Variants in PGD observed in about 807,000 individuals in gnomAD.
The protein encoded by PGD is phosphogluconate dehydrogenase.
PGD carries 21 observed loss-of-function variants against 60.4 expected under a neutral mutation model. The ratio of observed to expected loss-of-function variants is 0.35; its 90% CI spans 0.25 to 0.50. The LOEUF (loss-of-function observed/expected upper bound fraction) is 0.50. Among genes scored for constraint, PGD ranks in the 20% least tolerant of loss-of-function variants. The probability of loss-of-function intolerance (pLI) is 0.98; values close to 1 mark genes in which losing one functional copy is unlikely to be tolerated. For synonymous variants in PGD, 230 were observed against 235.9 expected, an observed-to-expected ratio of 0.97 and a Z score of 0.23; for missense variants, 477 against 613.1, an observed-to-expected ratio of 0.78 and a Z score of 2.34.
At position 10,413,142 on chromosome 1, in the gene PGD, C is replaced by G. The variant is rs79502417; in HGVS notation, c.735C>G (p.Thr245=). The G allele has an allele frequency of 1.2e-6, 2 of 1,613,938 alleles. No homozygotes were observed. Among genetic ancestry groups the G allele is most frequent in the Non-Finnish European group, 1.7e-6 (2 of 1,179,958 alleles). Residue 245 remains threonine (T), a synonymous_variant, in exon 8 of 13, where the codon ACC becomes ACG. Transcript: ENST00000270776. The stretch of plus-strand genomic sequence containing the variant: ...CCAATATTCTCAAGTTCCAAGACAC[C>G]GATGGCAAACACCTGCTGCCAAAGA... ...ITANILKFQD[T]DGKHLLPKIR...
intron 5 of PGD, among the ~76,000 whole-genome samples, chr1:10,404,719 C>T (rs982601229): frequency 6.6e-6 from 1 of 152,092 alleles, no homozygotes; most frequent in Admixed American, 6.6e-5. Context: ...TGGGTGGTCT[C>T]GAACTCCTGA....
intron 1 of PGD, 71 bp downstream of exon 1, chr1:10,399,196 C>G: frequency 6.4e-7 from 1 of 1,557,170 alleles, no homozygotes; most frequent in Admixed American, 1.7e-5. Flanking sequence ...TCGAGATCTC[C>G]CTCGTTCTCT....
At chr1:10,417,856 C>T (rs1639623273) in intron 10 of PGD, among the ~76,000 whole-genome samples, 1 of 152,190 alleles carries the variant, frequency 6.6e-6, no homozygotes, top group Admixed American at 6.5e-5. Flanking sequence ...ATTACAAGGG[C>T]ACGCCACCAT....
In PGD at chr1:10,399,064, C is replaced by A; in HGVS notation, c.-54C>A. ...CTGGAGGGAGCCGCTGCGGGTCTTT[C>A]CCTCACTCGTCCTCCGCGCGTCGCC... On this transcript the variant is annotated 5_prime_UTR_variant, in exon 1 of 13. Coordinates refer to ENST00000270776, the MANE Select transcript of PGD (RefSeq NM_002631.4). The A allele has an allele frequency of 1.2e-6, 2 of 1,607,882 alleles. No homozygotes were observed. The highest frequency in any genetic ancestry group is 1.7e-6 in the Non-Finnish European group (2 of 1,179,396).
At position 10,419,458 on chromosome 1, in the gene PGD, C is replaced by T; in HGVS notation, c.1251C>T (p.Gly417=). 6.2e-7 allele frequency: 1 copy of T among 1,614,108 alleles called. No homozygotes were observed. Among genetic ancestry groups the T allele is most frequent in the Non-Finnish European group, 8.5e-7 (1 of 1,180,016 alleles). ...CAGTCAGCACTGGGGTCCAGGCTGG[C>T]ATTCCCATGCCCTGTTTTACCACTG... ...RRAVSTGVQA[G]IPMPCFTTAL... Residue 417 remains glycine, a synonymous_variant, in exon 12 of 13, where the codon GGC becomes GGT. Transcript: ENST00000270776.
intron 4 of PGD, 61 bp from the exon 5 acceptor site, chr1:10,404,100 A>G: frequency 1.7e-6 from 2 of 1,190,646 alleles, no homozygotes; most frequent in African/African-American, 1.8e-5. Flanking sequence ...GGGTAGCATA[A>G]TGAAACATGG....
intron 5 of PGD, among the ~76,000 whole-genome samples, chr1:10,405,401 T>TAC (rs57033638): frequency 0.12 from 12,932 of 108,428 alleles, 589 homozygotes; most frequent in Middle Eastern, 0.17. Context: ...AAACAAAAAA[T>TAC]ACACACACAC....
At chr1:10,404,994 T>C (rs1208832921) in intron 5 of PGD, among the ~76,000 whole-genome samples, 1 of 152,178 alleles carries the variant, frequency 6.6e-6, no homozygotes, top group Non-Finnish European at 1.5e-5. Flanking sequence ...TGAATGATCA[T>C]TTGAGCCCAG....
intron 5 of PGD, among the ~76,000 whole-genome samples, chr1:10,407,499 C>G (rs1052147155): frequency 1.9e-4 from 29 of 152,092 alleles, no homozygotes; most frequent in Admixed American, 1.2e-3. Flanking sequence ...CTCAGCCTTT[C>G]TGTCTGTAGT....
intron 11 of PGD, 130 bp from the exon 12 acceptor site, chr1:10,419,287 G>A (rs1639648876): frequency 2.4e-6 from 3 of 1,270,656 alleles, no homozygotes; most frequent in Non-Finnish European, 3.3e-6. Flanking sequence ...AAAGTGCTGG[G>A]ATGACAGGCG....
At chr1:10,414,189 C>T (rs1180105977) in intron 8 of PGD, among the ~76,000 whole-genome samples, 1 of 152,186 alleles carries the variant, frequency 6.6e-6, no homozygotes, top group African/African-American at 2.4e-5. Context: ...TAAGTTCCTT[C>T]TCCTTCCTCT....
At chr1:10,405,434 AAATAATTGTGGG>A in intron 5 of PGD, among the ~76,000 whole-genome samples, 1 of 151,700 alleles carries the variant, frequency 6.6e-6, no homozygotes, top group Non-Finnish European at 1.5e-5. Flanking sequence ...ACATATATAT[AAATAATTGTGGG>A]CAATCCGATA....
Position 10,408,086 on chromosome 1 carries a change from C to G in PGD, c.465C>G (p.Thr155=). 1 of 1,604,506 alleles carries G rather than the reference C, an allele frequency of 6.2e-7. No individual in the cohort carries two copies. Among genetic ancestry groups the G allele is most frequent in the African/African-American group, 1.3e-5 (1 of 74,852 alleles). Residue 155 remains threonine, a synonymous_variant, in exon 6 of 13, where the codon ACC becomes ACG. Transcript: ENST00000270776. ...GNKEAWPHIK[T]IFQGIAAKVG... is the part of the protein sequence containing the mutation. ...CTTTACACAGGCCCCACATCAAGAC[C>G]ATCTTCCAAGGCATTGCTGCAAAAG...
intron 8 of PGD, 105 bp downstream of exon 8, chr1:10,413,356 AGC>A (rs1639532736): frequency 3.0e-6 from 3 of 989,698 alleles, no homozygotes; most frequent in Non-Finnish European, 1.5e-6. Context: ...AGCCCTCTTT[AGC>A]TTTCAGAGTG....
rs1195842889 is a variant in PGD, at chr1:10,419,401, T to C, written c.1210-16T>C. 1 of 1,609,518 alleles carries C rather than the reference T, an allele frequency of 6.2e-7. No homozygotes were observed. The highest frequency in any genetic ancestry group is 2.2e-5 in the East Asian group (1 of 44,864). ...GGGGCAGATCACTAATCTCTGGCCG[T>C]GCGTTTTGTGCTCAGGACTCCTGGC... is the stretch of plus-strand genomic sequence containing the variant. On this transcript the variant is annotated splice_polypyrimidine_tract_variant and intron_variant, in intron 11 of 12. Coordinates refer to ENST00000270776, the MANE Select transcript of PGD (RefSeq NM_002631.4).
chr1:10,400,075 C>G (rs1395460956), intron 2 of PGD: 1 of 454,676 alleles, frequency 2.2e-6, no homozygotes, highest in Non-Finnish European at 4.0e-6. Context: ...GGCTTAGACG[C>G]CAGGATGATC....
At chr1:10,417,624 C>A in intron 10 of PGD, 115 bp downstream of exon 10, 1 of 958,190 alleles carries the variant, frequency 1.0e-6, no homozygotes, top group Non-Finnish European at 1.5e-6. Context: ...AGCCCCATCA[C>A]TGGACACTGG....
chr1:10,407,510 C>T (rs1639427966), intron 5 of PGD, among the ~76,000 whole-genome samples: 1 of 152,138 alleles, frequency 6.6e-6, no homozygotes, highest in East Asian at 1.9e-4. Context: ...TGTCTGTAGT[C>T]TCAGTCCGAT....
intron 7 of PGD, 29 bp downstream of exon 7, chr1:10,411,581 G>T (rs368083933): frequency 6.2e-7 from 1 of 1,613,122 alleles, no homozygotes; most frequent in East Asian, 2.2e-5. Context: ...CTCTGTGTCC[G>T]TTCTGCAGGG....
Sources: gnomAD v4.1 joint callset for allele counts (sites outside exome capture counted in the v4.1 genomes callset) on GRCh38, gnomAD v4.1.1 for gene constraint, MANE v1.5 for transcripts, NCBI Gene and HGNC (gene_info 2026-07-23, HGNC 2026-07-21) for gene names.